Variants in FSTL5 observed in about 807,000 individuals in gnomAD.
The protein encoded by FSTL5 is follistatin-related protein 5.
In FSTL5, 62 loss-of-function variants were observed where a neutral mutation model predicts 89.1. The ratio of observed to expected loss-of-function variants is 0.70; its 90% CI spans 0.57 to 0.86. FSTL5 has a LOEUF of 0.86. Ranked by LOEUF, FSTL5 falls within the 40% of genes least tolerant of loss-of-function variation. FSTL5 has a pLI of 0.00. For missense variants in FSTL5, 1,057 were observed against 1,001.6 expected, an observed-to-expected ratio of 1.06 and a Z score of -0.75; for synonymous variants, 383 against 346.2, an observed-to-expected ratio of 1.11 and a Z score of -1.18.
intron 4 of FSTL5, among the ~76,000 whole-genome samples, chr4:161,791,850 G>A (rs1257432566): frequency 6.6e-6 from 1 of 152,208 alleles, no homozygotes; most frequent in Non-Finnish European, 1.5e-5. Context: ...TTTGATGGAA[G>A]CAACAGCCCA....
At chr4:161,879,379 A>G (rs1230652365) in intron 4 of FSTL5, among the ~76,000 whole-genome samples, 4 of 152,234 alleles carry the variant, frequency 2.6e-5, no homozygotes, top group Non-Finnish European at 4.4e-5. Context: ...ATGACACAGG[A>G]GCCAAACAAT....
intron 1 of FSTL5, among the ~76,000 whole-genome samples, chr4:162,138,697 A>C (rs1282413079): frequency 1.3e-5 from 2 of 152,064 alleles, no homozygotes; most frequent in African/African-American, 2.4e-5. Flanking sequence ...AACCCTGTTT[A>C]TTTTTAATAA....
chr4:161,606,240 ATTTTTTT>A (rs71598720), intron 7 of FSTL5, among the ~76,000 whole-genome samples: 1,765 of 117,854 alleles, frequency 0.015, 19 homozygotes, highest in Non-Finnish European at 0.021. Context: ...ATTATCTGTG[ATTTTTTT>A]TTTTTTTTTT....
At chr4:162,076,687 G>A (rs562048540) in intron 2 of FSTL5, among the ~76,000 whole-genome samples, 5 of 151,738 alleles carry the variant, frequency 3.3e-5, no homozygotes, top group African/African-American at 9.7e-5. Context: ...TATGAGGGTG[G>A]GGCAATGGCT....
At chr4:161,571,501 G>C (rs1481561850) in intron 8 of FSTL5, among the ~76,000 whole-genome samples, 1 of 152,086 alleles carries the variant, frequency 6.6e-6, no homozygotes, top group East Asian at 1.9e-4. Context: ...CTGTTATAAA[G>C]TGACTGAATT....
chr4:162,105,256 A>C (rs1159173913), intron 2 of FSTL5, among the ~76,000 whole-genome samples: 1 of 152,180 alleles, frequency 6.6e-6, no homozygotes, highest in Non-Finnish European at 1.5e-5. Flanking sequence ...CTACCCTACT[A>C]ACCAATTTTG....
In FSTL5 at chr4:162,069,521, AC is replaced by A. The variant is rs1404410723; in HGVS notation, c.127-35864del. 7.2e-5 allele frequency among the ~76,000 whole-genome samples: 11 copies of A among 151,952 alleles called. No homozygotes were observed. In the East Asian group the frequency reaches 2.1e-3, roughly 30 times the overall value. ...TTTAGCTGTAATTTTTGGTTTGTTA[AC>A]TAAACTCTCCTTATCCACCCCTTCC... On this transcript the variant is annotated intron_variant, in intron 2 of 15. Coordinates refer to ENST00000306100, the MANE Select transcript of FSTL5 (RefSeq NM_020116.5).
intron 15 of FSTL5, among the ~76,000 whole-genome samples, chr4:161,399,625 T>C (rs1308166937): frequency 6.6e-6 from 1 of 152,122 alleles, no homozygotes; most frequent in Admixed American, 6.6e-5. Flanking sequence ...TAGTGGTACT[T>C]TGTAAGCGTC....
At chr4:161,396,031 A>C (rs1366353986) in intron 15 of FSTL5, among the ~76,000 whole-genome samples, 1 of 152,074 alleles carries the variant, frequency 6.6e-6, no homozygotes, top group African/African-American at 2.4e-5. Flanking sequence ...ATCAGCAAAC[A>C]GGAGGAAGCA....
intron 6 of FSTL5, among the ~76,000 whole-genome samples, chr4:161,751,010 T>A (rs1376451954): frequency 6.6e-6 from 1 of 151,838 alleles, no homozygotes; most frequent in Non-Finnish European, 1.5e-5. Context: ...TCACTTGAAC[T>A]GTCTAATTGT....
rs72984768 is a variant in FSTL5, at chr4:162,122,377, A to T, written c.-16-10965T>A. Among the ~76,000 whole-genome samples the T allele has an allele frequency of 6.3e-3, 954 of 152,136 alleles. 5 individuals carry two copies. Among genetic ancestry groups the T allele is most frequent in the African/African-American group, 0.022 (912 of 41,562 alleles). ...TAATCCACTTAAATTGTTTGCTTGG[A>T]GGTCACTACTGTACTTGATCTTTCC... On this transcript the variant is annotated intron_variant, in intron 1 of 15. Coordinates refer to ENST00000306100, the MANE Select transcript of FSTL5 (RefSeq NM_020116.5).
intron 5 of FSTL5, among the ~76,000 whole-genome samples, chr4:161,770,200 G>GATTA (rs1414455444): frequency 3.9e-5 from 6 of 151,998 alleles, no homozygotes; most frequent in Non-Finnish European, 8.8e-5. Context: ...ATAGAATGGT[G>GATTA]ATTACCACAG....
chr4:161,993,530 A>G (rs1035260920), intron 3 of FSTL5, among the ~76,000 whole-genome samples: 20 of 152,108 alleles, frequency 1.3e-4, no homozygotes, highest in African/African-American at 4.6e-4. Flanking sequence ...ATAATTGTAT[A>G]TATTTATAGG....
chr4:161,736,398 C>T (rs568977169), intron 6 of FSTL5, among the ~76,000 whole-genome samples: 1 of 151,956 alleles, frequency 6.6e-6, no homozygotes, highest in Non-Finnish European at 1.5e-5. Context: ...CCCAAAACAG[C>T]GATTTAATGA....
chr4:161,817,454 C>G (rs2126846168), intron 4 of FSTL5, among the ~76,000 whole-genome samples: 1 of 152,306 alleles, frequency 6.6e-6, no homozygotes, highest in East Asian at 1.9e-4. Flanking sequence ...GGTGGAGAGG[C>G]TGCACGAAAG....
At chr4:162,109,102 G>A (rs989797439) in intron 2 of FSTL5, among the ~76,000 whole-genome samples, 2 of 152,034 alleles carry the variant, frequency 1.3e-5, no homozygotes, top group East Asian at 1.9e-4. Context: ...CCAATAATGC[G>A]ATGTATGGAC....
chr4:161,405,867 A>G (rs939005482), intron 15 of FSTL5, among the ~76,000 whole-genome samples: 1 of 152,340 alleles, frequency 6.6e-6, no homozygotes, highest in South Asian at 2.1e-4. Flanking sequence ...CCAGAAAGCA[A>G]TAGGATGATA....
chr4:161,615,426 CA>C (rs1420204273), intron 7 of FSTL5, among the ~76,000 whole-genome samples: 2 of 129,350 alleles, frequency 1.5e-5, no homozygotes, highest in African/African-American at 5.9e-5. Context: ...GCCTGGGTGA[CA>C]GGGCGAGACT....
At chr4:161,987,397 G>A (rs972247878) in intron 3 of FSTL5, among the ~76,000 whole-genome samples, 8 of 149,950 alleles carry the variant, frequency 5.3e-5, no homozygotes, top group Non-Finnish European at 1.0e-4. Flanking sequence ...CGGGGAAGGA[G>A]AAAAAACTCT....
Sources: allele counts gnomAD v4.1 joint callset (sites outside exome capture counted in the v4.1 genomes callset), GRCh38; gene constraint gnomAD v4.1.1; transcripts MANE v1.5; gene names NCBI Gene and HGNC (gene_info 2026-07-23, HGNC 2026-07-21).